The following NHS variants were observed in gnomAD, a reference collection of about 807,000 sequenced individuals.
The protein encoded by NHS is NHS actin remodeling regulator.
NHS carries 5 observed loss-of-function variants against 72.5 expected under a neutral mutation model. The observed-to-expected ratio is 0.07, with a 90% CI of 0.04 to 0.14. NHS has a LOEUF of 0.14. Ranked by LOEUF, NHS falls within the 10% of genes least tolerant of loss-of-function variation. The probability of loss-of-function intolerance (pLI) is 1.00; values close to 1 mark genes in which losing one functional copy is unlikely to be tolerated. For synonymous variants in NHS, 464 were observed against 547.7 expected (o/e 0.85, Z 2.13); for missense variants, 1,072 against 1,355.7 (o/e 0.79, Z 3.29).
At chrX:17,526,757 A>G (rs1405580296) in intron 1 of NHS, among the ~76,000 whole-genome samples, 1 of 112,231 alleles carries the variant, frequency 8.9e-6, no homozygotes, top group Non-Finnish European at 1.9e-5. Flanking sequence ...ATCATTTATA[A>G]TTGCAGAAAG....
At chrX:17,671,996 G>A (rs1948358667) in intron 1 of NHS, among the ~76,000 whole-genome samples, 1 of 111,706 alleles carries the variant, frequency 9.0e-6, no homozygotes, top group African/African-American at 3.3e-5. Flanking sequence ...AGTTGAGAGG[G>A]ATGGGACATA....
At chrX:17,712,290 T>TATACAC (rs1396937988) in intron 3 of NHS, among the ~76,000 whole-genome samples, 30 of 53,007 alleles carry the variant, frequency 5.7e-4, no homozygotes, top group Admixed American at 7.3e-4. Context: ...TATATATATA[T>TATACAC]ACACACACAC....
intron 1 of NHS, among the ~76,000 whole-genome samples, chrX:17,505,161 TC>T (rs1427087079): frequency 8.9e-6 from 1 of 112,029 alleles, no homozygotes; most frequent in Non-Finnish European, 1.9e-5. Flanking sequence ...CTCATTTTTT[TC>T]ATCAGATGCA....
At chrX:17,550,620 G>A (rs759939300) in intron 1 of NHS, among the ~76,000 whole-genome samples, 3 of 111,678 alleles carry the variant, frequency 2.7e-5, no homozygotes, top group African/African-American at 9.8e-5. Flanking sequence ...TGAATGTCTG[G>A]AGTTTAGGAG....
At chrX:17,630,507 T>A (rs762220920) in intron 1 of NHS, among the ~76,000 whole-genome samples, 1 of 109,977 alleles carries the variant, frequency 9.1e-6, no homozygotes, top group South Asian at 4.0e-4. Context: ...ATGCTATAGC[T>A]GCCCTCTTCC....
rs904608487 is a variant in NHS, at chrX:17,733,169, T to C, written c.*705T>C. 8.8e-6 allele frequency: 1 copy of C among 113,255 alleles called. No individual in the cohort carries two copies. Among genetic ancestry groups the C allele is most frequent in the Non-Finnish European group, 1.9e-5 (1 of 53,584 alleles). The allele number at this position is 113,255 out of a possible 1,213,427, so 9.3% of individuals were successfully genotyped here. ...AATCTTGAGGTCATATACTGAAATA[T>C]GAATAAATTAAAATAATGAATTCAG... On this transcript the variant is annotated 3_prime_UTR_variant, in exon 9 of 9. Coordinates refer to ENST00000676302, the MANE Select transcript of NHS (RefSeq NM_001291867.2).
chrX:17,522,156 T>C (rs1416880216), intron 1 of NHS, among the ~76,000 whole-genome samples: 3 of 112,447 alleles, frequency 2.7e-5, no homozygotes, highest in Admixed American at 9.3e-5. Context: ...AGAGATGGTG[T>C]CCACTATTCT....
chrX:17,418,786 T>C (rs1377093820), intron 1 of NHS, among the ~76,000 whole-genome samples: 2 of 110,295 alleles, frequency 1.8e-5, no homozygotes, highest in Non-Finnish European at 3.8e-5. Context: ...AGAGGAGAAA[T>C]GAAAAGAAAC....
intron 1 of NHS, among the ~76,000 whole-genome samples, chrX:17,471,162 A>T (rs1312255570): frequency 2.7e-5 from 3 of 112,273 alleles, no homozygotes; most frequent in African/African-American, 9.7e-5. Flanking sequence ...TTATCTTTTC[A>T]TTGAACGTTT....
chrX:17,681,821 G>A (rs1392855842), intron 1 of NHS, among the ~76,000 whole-genome samples: 4 of 111,740 alleles, frequency 3.6e-5, no homozygotes, highest in East Asian at 2.8e-4. Context: ...TCCTTTTAGC[G>A]TACAAATAAA....
At chrX:17,438,551 G>A (rs1176646057) in intron 1 of NHS, among the ~76,000 whole-genome samples, 1 of 111,677 alleles carries the variant, frequency 9.0e-6, no homozygotes, top group African/African-American at 3.3e-5. Flanking sequence ...CAGATCTCCT[G>A]CACCCTAAAC....
chrX:17,453,941 A>T (rs1434467168), intron 1 of NHS, among the ~76,000 whole-genome samples: 1 of 112,117 alleles, frequency 8.9e-6, no homozygotes, highest in African/African-American at 3.2e-5. Flanking sequence ...CTTAAAGAAG[A>T]TGGCAGCAGG....
At chrX:17,406,207 A>G (rs1300769810) in intron 1 of NHS, among the ~76,000 whole-genome samples, 3 of 111,610 alleles carry the variant, frequency 2.7e-5, no homozygotes, top group Admixed American at 9.6e-5. Flanking sequence ...ACAGATGATA[A>G]AACCGAGGCT....
intron 1 of NHS, among the ~76,000 whole-genome samples, chrX:17,405,675 C>A (rs1024529525): frequency 1.8e-5 from 2 of 112,267 alleles, no homozygotes; most frequent in Non-Finnish European, 3.8e-5. Context: ...GAGGAGGTAA[C>A]AGAGAAGAGG....
At chrX:17,535,751 A>G (rs1056196792) in intron 1 of NHS, among the ~76,000 whole-genome samples, 11 of 110,648 alleles carry the variant, frequency 9.9e-5, no homozygotes, top group African/African-American at 3.0e-4. Context: ...GCTATTTTTT[A>G]AAAAGCTTTT....
Position 17,732,614 on chromosome X carries a change from G to C in NHS, c.*150G>C. The C allele has an allele frequency of 1.2e-6, 1 of 850,529 alleles. No homozygotes were observed. 70.1% of individuals were successfully genotyped at this position (850,529 alleles called of 1,213,427 possible). On this transcript the variant is annotated 3_prime_UTR_variant, in exon 9 of 9. Transcript: ENST00000676302. The stretch of plus-strand genomic sequence containing the variant: ...GAATTTCTAAATACAGTATGTGCTG[G>C]GTAAACAGAAAGTGGTTTAGACATT...
intron 1 of NHS, among the ~76,000 whole-genome samples, chrX:17,416,069 G>A (rs1014585259): frequency 1.8e-5 from 2 of 111,410 alleles, no homozygotes; most frequent in African/African-American, 3.3e-5. Context: ...ATTTATGGAT[G>A]CCCTGTTCAC....
chrX:17,542,312 C>T (rs2065267936), intron 1 of NHS, among the ~76,000 whole-genome samples: 1 of 113,396 alleles, frequency 8.8e-6, no homozygotes, highest in East Asian at 2.8e-4. Context: ...ATTTCTGCCA[C>T]TTGCCTGACC....
chrX:17,450,837 C>T (rs2064802696), intron 1 of NHS, among the ~76,000 whole-genome samples: 1 of 111,644 alleles, frequency 9.0e-6, no homozygotes, highest in Non-Finnish European at 1.9e-5. Context: ...GATCATGCCA[C>T]TGCACTCCAG....
Sources: gnomAD v4.1 joint callset for allele counts (sites outside exome capture counted in the v4.1 genomes callset) on GRCh38, gnomAD v4.1.1 for gene constraint, MANE v1.5 for transcripts, NCBI Gene and HGNC (gene_info 2026-07-23, HGNC 2026-07-21) for gene names.